SRGAP2: variants seen among roughly 807,000 people sequenced by gnomAD.
The protein encoded by SRGAP2 is SLIT-ROBO Rho GTPase-activating protein 2.
A neutral mutation model predicts 57.2 loss-of-function variants in SRGAP2; 15 were observed. That is an observed-to-expected ratio of 0.26 (90% CI 0.18 to 0.40). The LOEUF is 0.40. Ranked by LOEUF, SRGAP2 falls within the 10% of genes least tolerant of loss-of-function variation. The pLI is 1.00. For synonymous variants in SRGAP2, 249 were observed against 248.0 expected (o/e 1.00, Z -0.04); for missense variants, 520 against 669.6 (o/e 0.78, Z 2.47).
intron 2 of SRGAP2, among the ~76,000 whole-genome samples, chr1:206,237,268 C>A (rs544828091): frequency 6.6e-6 from 1 of 152,030 alleles, no homozygotes; most frequent in South Asian, 2.1e-4. Flanking sequence ...CCAGTCTGGG[C>A]GACAGAGTGA....
intron 18 of SRGAP2, among the ~76,000 whole-genome samples, chr1:206,447,742 C>G (rs1368522032): frequency 2.0e-5 from 3 of 152,190 alleles, no homozygotes; most frequent in Non-Finnish European, 4.4e-5. Flanking sequence ...AACCTCCGCC[C>G]TCACTTCTCA....
At chr1:206,446,485 C>T (rs782765738) in intron 18 of SRGAP2, among the ~76,000 whole-genome samples, 186 bp downstream of exon 18, 1 of 152,250 alleles carries the variant, frequency 6.6e-6, no homozygotes, top group Non-Finnish European at 1.5e-5. Flanking sequence ...CTAAATGCCA[C>T]TTCTTGCCAC....
At chr1:206,333,909 A>T (rs1553332855) in intron 3 of SRGAP2, among the ~76,000 whole-genome samples, 1 of 152,222 alleles carries the variant, frequency 6.6e-6, no homozygotes, top group East Asian at 1.9e-4. Flanking sequence ...CTAACCTGGA[A>T]ATTGACTAGG....
chr1:206,324,337 AC>A (rs1371402867), intron 3 of SRGAP2, among the ~76,000 whole-genome samples: 5 of 152,156 alleles, frequency 3.3e-5, no homozygotes, highest in Admixed American at 3.3e-4. Flanking sequence ...GATAGGTTTA[AC>A]CATCAGGATG....
chr1:206,419,530 CG>C (rs1347751636), intron 12 of SRGAP2, 130 bp downstream of exon 12: 2 of 695,156 alleles, frequency 2.9e-6, no homozygotes, highest in Non-Finnish European at 5.3e-6. Flanking sequence ...TGGCCTGGGG[CG>C]GGGTTTGTTT....
Position 206,386,627 on chromosome 1 carries a change from C to G in SRGAP2, c.486+2551C>G, listed in dbSNP as rs544614196. Among the ~76,000 whole-genome samples the G allele has an allele frequency of 5.0e-3, 580 of 115,998 alleles. 8 individuals carry two copies. Among genetic ancestry groups the G allele is most frequent in the African/African-American group, 0.019 (554 of 29,374 alleles). The allele number at this position is 115,998 out of a possible 152,430, so 76.1% of individuals were successfully genotyped here. A position where few individuals can be genotyped will look rare whatever the true frequency, so the allele number is the denominator to read the frequency against. Reference sequence around the variant, plus strand: ...CCTGGCTAACACGGTGAAACCCTGTCTCTACTAAAAATACAAAAAAAATTA... The same window carrying G: ...CCTGGCTAACACGGTGAAACCCTGTGTCTACTAAAAATACAAAAAAAATTA... On this transcript the variant is annotated intron_variant, in intron 5 of 22. Coordinates refer to ENST00000573034, the MANE Select transcript of SRGAP2 (RefSeq NM_015326.5).
At chr1:206,438,594 C>A (rs1553370852) in intron 16 of SRGAP2, among the ~76,000 whole-genome samples, 1 of 152,180 alleles carries the variant, frequency 6.6e-6, no homozygotes, top group East Asian at 1.9e-4. Flanking sequence ...AAGGTATATT[C>A]TCTGCTTTAT....
At chr1:206,220,520 A>G (rs1361635912) in intron 2 of SRGAP2, among the ~76,000 whole-genome samples, 1 of 152,218 alleles carries the variant, frequency 6.6e-6, no homozygotes, top group Non-Finnish European at 1.5e-5. Context: ...GCCCTCGGAC[A>G]GTTCTTCAGT....
In SRGAP2 at chr1:206,372,973, CTTTCTTTCTTTCTTT is replaced by C. The variant is rs1558359155; in HGVS notation, c.424-11040_424-11026del. ...TTTCTTTCTTTTCTTTCCTTTCTTT[CTTTCTTTCTTTCTTT>C]CTTTCTTTCTTTCTTTCTTTCTTTC... On this transcript the variant is annotated intron_variant, in intron 4 of 22. Coordinates refer to ENST00000573034, the MANE Select transcript of SRGAP2 (RefSeq NM_015326.5). Among the ~76,000 whole-genome samples the C allele has an allele frequency of 1.2e-3, 39 of 31,202 alleles. 1 individual carries two copies. Among genetic ancestry groups the C allele is most frequent in the South Asian group, 3.8e-3 (3 of 786 alleles). The allele number at this position is 31,202 out of a possible 152,430, so 20.5% of individuals were successfully genotyped here.
chr1:206,432,003 G>C (rs140144357), intron 14 of SRGAP2, among the ~76,000 whole-genome samples: 1 of 152,252 alleles, frequency 6.6e-6, no homozygotes, highest in South Asian at 2.1e-4. Context: ...AGGGCCTCAT[G>C]TGCTAGGATT....
At chr1:206,427,693 A>G (rs1327226764) in intron 13 of SRGAP2, among the ~76,000 whole-genome samples, 1 of 152,182 alleles carries the variant, frequency 6.6e-6, no homozygotes, top group Non-Finnish European at 1.5e-5. Context: ...GACCCATCGC[A>G]CTTGACAGTC....
chr1:206,358,422 G>A (rs1387495294), intron 4 of SRGAP2, among the ~76,000 whole-genome samples: 2 of 149,708 alleles, frequency 1.3e-5, no homozygotes, highest in African/African-American at 5.1e-5. Context: ...TATCATATAG[G>A]CTAGAAAGGA....
rs1227972984 is a variant in SRGAP2, at chr1:206,461,657, C to T, written c.*237C>T. ...TAATTCAGCCAGCTGCAGTCCGTAC[C>T]GTTCTTAGGTTAGCCAGAGACAGGT... On this transcript the variant is annotated 3_prime_UTR_variant, in exon 23 of 23. Coordinates refer to ENST00000573034, the MANE Select transcript of SRGAP2 (RefSeq NM_015326.5). 3 of 470,440 alleles carry T rather than the reference C, an allele frequency of 6.4e-6. No individual in the cohort carries two copies. The highest frequency in any genetic ancestry group is 3.6e-5 in the South Asian group (1 of 27,452). 29.1% of individuals were successfully genotyped at this position (470,440 alleles called of 1,614,324 possible).
intron 2 of SRGAP2, among the ~76,000 whole-genome samples, chr1:206,278,069 A>G (rs1558272298): frequency 6.6e-6 from 1 of 151,994 alleles, no homozygotes; most frequent in Non-Finnish European, 1.5e-5. Context: ...ATGTTTTACA[A>G]TTATTCATTC....
At chr1:206,433,982 C>T (rs1433984582) in intron 14 of SRGAP2, among the ~76,000 whole-genome samples, 1 of 152,074 alleles carries the variant, frequency 6.6e-6, no homozygotes, top group African/African-American at 2.4e-5. Context: ...ACATCTGTTC[C>T]ACTAAATTGA....
chr1:206,437,844 G>A (rs140827338), intron 15 of SRGAP2, 120 bp from the exon 16 acceptor site: 71 of 707,230 alleles, frequency 1.0e-4, no homozygotes, highest in African/African-American at 8.5e-4. Context: ...CCACCATGCC[G>A]GGCAGAAAGC....
rs530797469 is a variant in SRGAP2, at chr1:206,464,179, C to T, written c.*2759C>T. On this transcript the variant is annotated 3_prime_UTR_variant, in exon 23 of 23. Transcript: ENST00000573034. ...GATGCCAGCACCGGGATGCGCAGAG[C>T]ACTGGAAGGGCTGGTGCAGATCTAC... 1.9e-4 allele frequency: 29 copies of T among 152,798 alleles called. No individual in the cohort carries two copies. In the East Asian group the frequency reaches 4.8e-3, roughly 25 times the overall value. The allele number at this position is 152,798 out of a possible 1,614,324, so 9.5% of individuals were successfully genotyped here.
At chr1:206,298,698 G>T (rs1671717789) in intron 2 of SRGAP2, among the ~76,000 whole-genome samples, 1 of 152,002 alleles carries the variant, frequency 6.6e-6, no homozygotes, top group Admixed American at 6.6e-5. Flanking sequence ...AAAGAAATTG[G>T]GTTCCTCTTG....
At chr1:206,360,131 T>C (rs2102989083) in intron 4 of SRGAP2, among the ~76,000 whole-genome samples, 1 of 151,996 alleles carries the variant, frequency 6.6e-6, no homozygotes, top group African/African-American at 2.4e-5. Flanking sequence ...TATAGGGTGG[T>C]CAGAGACGGC....
Sources: gnomAD v4.1 joint callset for allele counts (sites outside exome capture counted in the v4.1 genomes callset) on GRCh38, gnomAD v4.1.1 for gene constraint, MANE v1.5 for transcripts, NCBI Gene and HGNC (gene_info 2026-07-23, HGNC 2026-07-21) for gene names.